The following NTM variants were observed in gnomAD, a reference collection of about 807,000 sequenced individuals.
The protein encoded by NTM is IgLON family member 2.
Under a neutral mutation model 42.1 loss-of-function variants are expected in NTM, and 13 were observed. The observed-to-expected ratio is 0.31, with a 90% CI of 0.20 to 0.49. The LOEUF is 0.49. NTM is among the 20% of genes least tolerant of loss of function. The probability of loss-of-function intolerance (pLI) is 0.99; values close to 1 mark genes in which losing one functional copy is unlikely to be tolerated. For synonymous variants in NTM, 187 were observed against 179.2 expected, an observed-to-expected ratio of 1.04 and a Z score of -0.35; for missense variants, 373 against 452.8, an observed-to-expected ratio of 0.82 and a Z score of 1.60.
chr11:132,075,981 T>G (rs1158720814), intron 2 of NTM, among the ~76,000 whole-genome samples: 1 of 152,194 alleles, frequency 6.6e-6, no homozygotes, highest in East Asian at 1.9e-4. Flanking sequence ...ATGTAATCAA[T>G]AGCATACTTT....
chr11:132,001,812 G>A (rs987939003), intron 2 of NTM, among the ~76,000 whole-genome samples: 1 of 150,454 alleles, frequency 6.6e-6, no homozygotes, highest in African/African-American at 2.5e-5. Context: ...ACACACAATC[G>A]GTCAACAGTG....
At chr11:132,133,950 T>C (rs1035132608) in intron 2 of NTM, among the ~76,000 whole-genome samples, 1 of 152,196 alleles carries the variant, frequency 6.6e-6, no homozygotes, top group African/African-American at 2.4e-5. Context: ...CTCTCTCTGC[T>C]CTCATCAGAC....
chr11:131,686,749 G>A (rs2073932427), intron 1 of NTM, among the ~76,000 whole-genome samples: 2 of 152,192 alleles, frequency 1.3e-5, no homozygotes, highest in South Asian at 2.1e-4. Flanking sequence ...CGGCCATAAC[G>A]AGGCTGGCCG....
intron 1 of NTM, among the ~76,000 whole-genome samples, chr11:131,799,772 G>A (rs1421356173): frequency 1.3e-5 from 2 of 152,192 alleles, no homozygotes; most frequent in African/African-American, 4.8e-5. Context: ...TAGAAGATCA[G>A]TATGTCTGAC....
chr11:132,001,098 C>A (rs1242098049), intron 2 of NTM, among the ~76,000 whole-genome samples: 2 of 152,010 alleles, frequency 1.3e-5, no homozygotes, highest in Non-Finnish European at 2.9e-5. Flanking sequence ...TTGTGAGGAG[C>A]GTTTGTTTTG....
intron 3 of NTM, among the ~76,000 whole-genome samples, chr11:132,186,648 T>C (rs2078445124): frequency 1.3e-5 from 2 of 152,148 alleles, no homozygotes; most frequent in Admixed American, 1.3e-4. Flanking sequence ...ATTCCTCCTA[T>C]TTTTTTTCTT....
At chr11:131,374,084 A>G (rs1315332523) in intron 1 of NTM, among the ~76,000 whole-genome samples, 1 of 152,182 alleles carries the variant, frequency 6.6e-6, no homozygotes, top group East Asian at 1.9e-4. Flanking sequence ...GCAAAGTGGA[A>G]ACATCAGCCT....
chr11:132,289,326 C>G (rs1022668363), intron 4 of NTM, among the ~76,000 whole-genome samples: 2 of 152,212 alleles, frequency 1.3e-5, no homozygotes, highest in Admixed American at 1.3e-4. Flanking sequence ...AGTTCACCAA[C>G]TAAGACTCTG....
chr11:131,689,074 T>C (rs939426809), intron 1 of NTM, among the ~76,000 whole-genome samples: 3 of 151,288 alleles, frequency 2.0e-5, no homozygotes, highest in Non-Finnish European at 4.4e-5. Flanking sequence ...ATTGGATGTT[T>C]GTTAAGGAAA....
In NTM at chr11:131,484,430, G is replaced by T. The variant is rs528656658; in HGVS notation, c.82+113542G>T. On this transcript the variant is annotated intron_variant, in intron 1 of 8. Coordinates refer to ENST00000683400, the MANE Select transcript of NTM (RefSeq NM_001352005.2). ...GCAAAATGGTCCTTCCTTTGAATTT[G>T]CCAGTTAAAGGGTGGAGGCTCCCAA... 3.3e-4 allele frequency among the ~76,000 whole-genome samples: 50 copies of T among 152,288 alleles called. 1 individual carries two copies. The South Asian group carries it at 0.01, about 32-fold the overall frequency.
intron 2 of NTM, among the ~76,000 whole-genome samples, chr11:132,103,950 C>CT: frequency 6.6e-6 from 1 of 152,318 alleles, no homozygotes; most frequent in South Asian, 2.1e-4. Flanking sequence ...CACCTCTGAA[C>CT]TTCAAATAGT....
intron 2 of NTM, among the ~76,000 whole-genome samples, chr11:131,962,332 C>A (rs186699108): frequency 5.3e-5 from 8 of 152,300 alleles, no homozygotes; most frequent in Admixed American, 4.6e-4. Context: ...ATGGACTGCA[C>A]AATTGTGTCC....
At chr11:132,314,138 T>TTTGAG (rs553381828) in intron 6 of NTM, among the ~76,000 whole-genome samples, 393 of 149,940 alleles carry the variant, frequency 2.6e-3, no homozygotes, top group Middle Eastern at 0.017. Flanking sequence ...CTCTCAGAAG[T>TTTGAG]TTGAGTTTTT....
intron 1 of NTM, among the ~76,000 whole-genome samples, chr11:131,701,322 CTGTA>C (rs2076050905): frequency 6.6e-6 from 1 of 152,162 alleles, no homozygotes; most frequent in South Asian, 2.1e-4. Flanking sequence ...AAATGAGAAA[CTGTA>C]TGTAAATCGC....
chr11:132,137,438 A>G (rs1006572796), intron 2 of NTM, among the ~76,000 whole-genome samples: 3 of 152,204 alleles, frequency 2.0e-5, no homozygotes, highest in Non-Finnish European at 1.5e-5. Flanking sequence ...AGAGTTCTTC[A>G]TTTTGGTTCC....
At chr11:131,621,233 C>T (rs973026604) in intron 1 of NTM, among the ~76,000 whole-genome samples, 1 of 152,200 alleles carries the variant, frequency 6.6e-6, no homozygotes, top group Non-Finnish European at 1.5e-5. Context: ...CTTGTTTACA[C>T]TACCCAGCTA....
intron 1 of NTM, among the ~76,000 whole-genome samples, chr11:131,801,625 T>C (rs2092119457): frequency 1.3e-5 from 2 of 152,158 alleles, no homozygotes; most frequent in Admixed American, 6.5e-5. Flanking sequence ...GACCCCTTTT[T>C]TTCTTGCACA....
chr11:131,459,479 C>T (rs1301474884), intron 1 of NTM, among the ~76,000 whole-genome samples: 1 of 151,826 alleles, frequency 6.6e-6, no homozygotes, highest in Non-Finnish European at 1.5e-5. Context: ...TTACACATTG[C>T]CAGCTTTTAG....
intron 1 of NTM, among the ~76,000 whole-genome samples, chr11:131,816,192 A>C (rs1189867976): frequency 2.0e-5 from 3 of 152,188 alleles, no homozygotes; most frequent in Non-Finnish European, 4.4e-5. Flanking sequence ...GATCACACCA[A>C]GTGAATCCAT....
Sources: gnomAD v4.1 joint callset for allele counts (sites outside exome capture counted in the v4.1 genomes callset) on GRCh38, gnomAD v4.1.1 for gene constraint, MANE v1.5 for transcripts, NCBI Gene and HGNC (gene_info 2026-07-23, HGNC 2026-07-21) for gene names.